The following DIP2C variants were observed in gnomAD, a reference collection of about 807,000 sequenced individuals.
DIP2C encodes the protein disco-interacting protein 2 homolog C.
Under a neutral mutation model 192.4 loss-of-function variants are expected in DIP2C, and 33 were observed. That is an observed-to-expected ratio of 0.17 (90% CI 0.13 to 0.23). The LOEUF is 0.23. Among genes scored for constraint, DIP2C ranks in the 10% least tolerant of loss-of-function variants. The pLI is 1.00. For synonymous variants in DIP2C, 979 were observed against 864.1 expected (o/e 1.13, Z -2.33); for missense variants, 1,537 against 2,110.1 (o/e 0.73, Z 5.32).
intron 1 of DIP2C, among the ~76,000 whole-genome samples, chr10:608,184 C>CT: frequency 1.9e-5 from 1 of 52,418 alleles, no homozygotes; most frequent in African/African-American, 2.8e-4. Flanking sequence ...ACACACACCC[C>CT]ACACACACAG....
intron 1 of DIP2C, among the ~76,000 whole-genome samples, chr10:616,855 C>T (rs1326256593): frequency 6.6e-6 from 1 of 152,174 alleles, no homozygotes; most frequent in Non-Finnish European, 1.5e-5. Context: ...CCGCCGTGGC[C>T]TCTACTCATT....
rs777982139 is a variant in DIP2C, at chr10:486,408, T to A, written c.157+51A>T. The A allele has an allele frequency of 3.3e-6, 5 of 1,498,066 alleles. No homozygotes were observed. In the South Asian group the frequency reaches 5.3e-5, roughly 16 times the overall value. 92.8% of individuals were successfully genotyped at this position (1,498,066 alleles called of 1,614,324 possible). ...TGCCTCCAGATGTTTCTCTGGCACA[T>A]AGTGAATGCGGGAAATGAGAGGACT... On this transcript the variant is annotated intron_variant, in intron 2 of 36. Transcript: ENST00000280886.
rs933216790 is a variant in DIP2C at position 276,490 on chromosome 10, CAAGAT to C, written c.*830_*834del. On this transcript the variant is annotated 3_prime_UTR_variant, in exon 37 of 37. Coordinates refer to ENST00000280886, the MANE Select transcript of DIP2C (RefSeq NM_014974.3). ...TATATTTGTTGTGATACTATCCACG[CAAGAT>C]AATACAACACTTTTTTATATTAGCA... 6 of 152,518 alleles carry C rather than the reference CAAGAT, an allele frequency of 3.9e-5. No individual in the cohort carries two copies. The highest frequency in any genetic ancestry group is 1.9e-4 in the East Asian group (1 of 5,200). 9.4% of individuals were successfully genotyped at this position (152,518 alleles called of 1,614,324 possible). A position where few individuals can be genotyped will look rare whatever the true frequency, so the allele number is the denominator to read the frequency against.
chr10:395,235 A>G (rs1963896629), intron 10 of DIP2C, among the ~76,000 whole-genome samples: 2 of 152,048 alleles, frequency 1.3e-5, no homozygotes, highest in African/African-American at 2.4e-5. Context: ...ATTGCAGAGC[A>G]GGGTAACTAT....
intron 30 of DIP2C, among the ~76,000 whole-genome samples, chr10:329,051 C>T (rs1043323193): frequency 2.0e-5 from 3 of 152,228 alleles, no homozygotes; most frequent in Middle Eastern, 3.4e-3. Context: ...TAAAAGTGAG[C>T]GGCTAAATTC....
intron 1 of DIP2C, among the ~76,000 whole-genome samples, chr10:657,191 T>TGCTGGACCTGCC (rs1256736773): frequency 1.0e-5 from 1 of 100,344 alleles, no homozygotes; most frequent in African/African-American, 3.8e-5. Flanking sequence ...CTGGACCTGA[T>TGCTGGACCTGCC]GCTGGACCTG....
chr10:487,718 C>T (rs1409165422), intron 1 of DIP2C, among the ~76,000 whole-genome samples: 1 of 151,958 alleles, frequency 6.6e-6, no homozygotes, highest in African/African-American at 2.4e-5. Context: ...GCTGAGACTA[C>T]AGGCGCTGGC....
At chr10:292,809 AGAGACTCTTTCTTCCTCCAACT>A (rs1955558723) in intron 32 of DIP2C, among the ~76,000 whole-genome samples, 1 of 152,202 alleles carries the variant, frequency 6.6e-6, no homozygotes, top group East Asian at 1.9e-4. Flanking sequence ...AAGCTACAGA[AGAGACTCTTTCTTCCTCCAACT>A]GAGATTCTCA....
Position 689,377 on chromosome 10 carries a change from C to T in DIP2C, c.85+117G>A, listed in dbSNP as rs1831460306. 4.0e-6 allele frequency: 2 copies of T among 497,172 alleles called. No homozygotes were observed. Among genetic ancestry groups the T allele is most frequent in the Non-Finnish European group, 5.2e-6 (2 of 381,536 alleles). 30.8% of individuals were successfully genotyped at this position (497,172 alleles called of 1,614,324 possible). On this transcript the variant is annotated intron_variant, in intron 1 of 36. Coordinates refer to ENST00000280886, the MANE Select transcript of DIP2C (RefSeq NM_014974.3). This position sits in a 1 kb window ranked among gnomAD's most constrained non-coding sequence, Gnocchi z 6.1. The stretch of plus-strand genomic sequence containing the variant: ...GGACGCGCACGCTCCGGGCTGGGGT[C>T]GCACCTCCCCCTCCGGGCCCGGCCC...
At chr10:545,420 T>C (rs1848233410) in intron 1 of DIP2C, among the ~76,000 whole-genome samples, 1 of 152,112 alleles carries the variant, frequency 6.6e-6, no homozygotes, top group Non-Finnish European at 1.5e-5. Context: ...CCTCCCAAAA[T>C]GCTGGGATTA....
intron 1 of DIP2C, among the ~76,000 whole-genome samples, chr10:517,308 C>A (rs1349306695): frequency 1.3e-5 from 2 of 152,180 alleles, no homozygotes; most frequent in Non-Finnish European, 1.5e-5. Flanking sequence ...TAACATGACA[C>A]CCCCACTATG....
Position 390,378 on chromosome 10 carries a change from G to A in DIP2C, c.1385-5C>T. On this transcript the variant is annotated splice_region_variant and splice_polypyrimidine_tract_variant and intron_variant, in intron 11 of 36. Coordinates refer to ENST00000280886, the MANE Select transcript of DIP2C (RefSeq NM_014974.3). Reference sequence around the variant, plus strand: ...ACCACAGCAGCTTTGGCCAACCTTGGAAATAAACAACAAGTTCCTTTTAAA... The same window carrying A: ...ACCACAGCAGCTTTGGCCAACCTTGAAAATAAACAACAAGTTCCTTTTAAA... The A allele has an allele frequency of 6.2e-7, 1 of 1,613,202 alleles. No individual in the cohort carries two copies. Among genetic ancestry groups the A allele is most frequent in the Non-Finnish European group, 8.5e-7 (1 of 1,179,454 alleles).
At chr10:482,846 T>TA (rs1392064952) in intron 2 of DIP2C, among the ~76,000 whole-genome samples, 1 of 152,186 alleles carries the variant, frequency 6.6e-6, no homozygotes, top group Admixed American at 6.5e-5. Context: ...TGACTGGGCT[T>TA]AGAGACTGAT....
intron 1 of DIP2C, among the ~76,000 whole-genome samples, chr10:499,964 G>A (rs1287811169): frequency 6.6e-6 from 1 of 152,222 alleles, no homozygotes. Flanking sequence ...GCCACAATGG[G>A]ACTGGGGAAG....
intron 1 of DIP2C, among the ~76,000 whole-genome samples, chr10:642,350 G>C (rs1249604392): frequency 6.6e-6 from 1 of 152,184 alleles, no homozygotes; most frequent in Non-Finnish European, 1.5e-5. Flanking sequence ...GTGGGGCAGG[G>C]TTTGCACTTC....
chr10:282,990 A>G (rs1401054043), intron 35 of DIP2C, among the ~76,000 whole-genome samples: 1 of 152,238 alleles, frequency 6.6e-6, no homozygotes, highest in Non-Finnish European at 1.5e-5. Flanking sequence ...TGTGGGTGAC[A>G]CTGCAGCCCA....
At chr10:337,772 T>TG (rs1564576899) in intron 29 of DIP2C, among the ~76,000 whole-genome samples, 15 of 110,286 alleles carry the variant, frequency 1.4e-4, no homozygotes, top group African/African-American at 4.7e-4. Flanking sequence ...GTGTGTTCTG[T>TG]GAAGGCCTAG....
intron 1 of DIP2C, among the ~76,000 whole-genome samples, chr10:570,951 T>C (rs1017744266): frequency 6.6e-5 from 10 of 152,192 alleles, no homozygotes; most frequent in Non-Finnish European, 1.3e-4. Context: ...ACGTTATTCT[T>C]CCAGCGCACG....
intron 1 of DIP2C, among the ~76,000 whole-genome samples, chr10:635,850 G>A (rs1246687229): frequency 1.3e-5 from 2 of 152,296 alleles, no homozygotes; most frequent in Middle Eastern, 3.4e-3. Flanking sequence ...CTGCCTCACC[G>A]GCCCAGGGGA....
Sources: gnomAD v4.1 joint callset for allele counts (sites outside exome capture counted in the v4.1 genomes callset) on GRCh38, gnomAD v4.1.1 for gene constraint, Gnocchi (gnomAD v3.1) non-coding constraint, MANE v1.5 for transcripts, NCBI Gene and HGNC (gene_info 2026-07-23, HGNC 2026-07-21) for gene names.